Variants in CELF4 observed in about 807,000 individuals in gnomAD.
CELF4 encodes the protein CUGBP Elav-like family member 4, also known as CUG-BP- and ETR-3-like factor 4.
CELF4 carries 18 observed loss-of-function variants against 59.9 expected under a neutral mutation model. That is an observed-to-expected ratio of 0.30 (90% CI 0.21 to 0.45). The LOEUF is 0.45. Ranked by LOEUF, CELF4 falls within the 20% of genes least tolerant of loss-of-function variation. The probability of loss-of-function intolerance (pLI) is 1.00; values close to 1 mark genes in which losing one functional copy is unlikely to be tolerated. For missense variants in CELF4, 456 were observed against 689.0 expected (o/e 0.66, Z 3.79); for synonymous variants, 261 against 267.1 (o/e 0.98, Z 0.22).
intron 1 of CELF4, among the ~76,000 whole-genome samples, chr18:37,551,225 T>G (rs1448179557): frequency 6.6e-6 from 1 of 151,928 alleles, no homozygotes; most frequent in Non-Finnish European, 1.5e-5. Context: ...ATCCCTGGGG[T>G]CAGGAGGATG....
chr18:37,504,237 TC>T (rs1376265805), intron 1 of CELF4, among the ~76,000 whole-genome samples: 2 of 152,118 alleles, frequency 1.3e-5, no homozygotes, highest in Non-Finnish European at 2.9e-5. Context: ...ACGCCTGTAA[TC>T]CCAGCACCTT....
rs1167563828 is a variant in CELF4, at chr18:37,362,373, G to C, written c.370-40492C>G. ...TCCCCGGCGGCAGCCGAAGGTCAAGGCCAAGCCTGGGAGGCAGCCCCATCT... is the reference window on the plus strand; with the variant it reads ...TCCCCGGCGGCAGCCGAAGGTCAAGCCCAAGCCTGGGAGGCAGCCCCATCT... On this transcript the variant is annotated intron_variant, in intron 2 of 12. Transcript: ENST00000420428. 2.0e-5 allele frequency among the ~76,000 whole-genome samples: 3 copies of C among 152,190 alleles called. No homozygotes were observed. In the East Asian group the frequency reaches 5.8e-4, roughly 29 times the overall value.
intron 10 of CELF4, 138 bp downstream of exon 10, chr18:37,264,536 T>C: frequency 1.4e-6 from 1 of 700,482 alleles, no homozygotes; most frequent in East Asian, 2.7e-5. Context: ...AGCACTGCTG[T>C]CTTCCCTTGC....
intron 1 of CELF4, among the ~76,000 whole-genome samples, chr18:37,492,396 A>C (rs761886870): frequency 2.5e-4 from 38 of 152,146 alleles, no homozygotes; most frequent in African/African-American, 8.2e-4. Flanking sequence ...AAAAACATGC[A>C]GGCCACTGCA....
chr18:37,348,505 C>T (rs1423546753), intron 2 of CELF4, among the ~76,000 whole-genome samples: 1 of 152,174 alleles, frequency 6.6e-6, no homozygotes, highest in African/African-American at 2.4e-5. Flanking sequence ...ATGACACAGC[C>T]TCTGGGGCCA....
At position 37,243,757 on chromosome 18, in the gene CELF4, TTG is replaced by T. The variant is rs950344144; in HGVS notation, c.*1483_*1484del. 1.5e-4 allele frequency: 23 copies of T among 154,320 alleles called. No individual in the cohort carries two copies. Among genetic ancestry groups the T allele is most frequent in the East Asian group, 3.7e-4 (2 of 5,408 alleles). The allele number at this position is 154,320 out of a possible 1,614,324, so 9.6% of individuals were successfully genotyped here. A position where few individuals can be genotyped will look rare whatever the true frequency, so the allele number is the denominator to read the frequency against. On this transcript the variant is annotated 3_prime_UTR_variant, in exon 13 of 13. Coordinates refer to ENST00000420428, the MANE Select transcript of CELF4 (RefSeq NM_020180.4). ...ATTTTTCTCTCTCTTTTTTAAGGTT[TTG>T]TGTGTGTGTGTGTTGTCTAGTTGTT...
chr18:37,258,930 T>C, intron 11 of CELF4: 1 of 542,514 alleles, frequency 1.8e-6, no homozygotes, highest in Non-Finnish European at 3.2e-6. Context: ...CCAGGTTGTG[T>C]GGGTAGGGAA....
rs376915627 is a variant in CELF4 at position 37,243,908 on chromosome 18, ACGGCGG to A, written c.*1328_*1333del. The A allele has an allele frequency of 8.3e-4, 156 of 187,774 alleles. 1 individual carries two copies. Among genetic ancestry groups the A allele is most frequent in the African/African-American group, 3.5e-3 (149 of 42,046 alleles). 11.6% of individuals were successfully genotyped at this position (187,774 alleles called of 1,614,324 possible). A position where few individuals can be genotyped will look rare whatever the true frequency, so the allele number is the denominator to read the frequency against. On this transcript the variant is annotated 3_prime_UTR_variant, in exon 13 of 13. Coordinates refer to ENST00000420428, the MANE Select transcript of CELF4 (RefSeq NM_020180.4). ...CAGAGGGAAGCGAGAGGCGAGGATG[ACGGCGG>A]CGGCGGCGGCGGCGACCCGGGCGAC...
chr18:37,274,192 T>G, intron 6 of CELF4, 119 bp downstream of exon 6: 1 of 1,516,544 alleles, frequency 6.6e-7, no homozygotes, highest in African/African-American at 1.4e-5. Context: ...TCCCGGCCCC[T>G]CCTCACTCTG....
intron 2 of CELF4, among the ~76,000 whole-genome samples, chr18:37,405,287 G>T (rs1048383817): frequency 2.6e-5 from 4 of 152,234 alleles, no homozygotes; most frequent in African/African-American, 9.6e-5. Flanking sequence ...TCAGGCAGGG[G>T]CATGATCCAC....
intron 2 of CELF4, among the ~76,000 whole-genome samples, chr18:37,361,584 C>A (rs546319693): frequency 9.2e-5 from 14 of 152,166 alleles, no homozygotes; most frequent in Non-Finnish European, 1.9e-4. Flanking sequence ...ACAGTTGCAC[C>A]CCTACTCAGC....
intron 1 of CELF4, among the ~76,000 whole-genome samples, chr18:37,495,826 T>C (rs1296288509): frequency 6.6e-6 from 1 of 152,020 alleles, no homozygotes; most frequent in Non-Finnish European, 1.5e-5. Context: ...CTCTCTGCCC[T>C]CATGATTTGT....
In CELF4 at chr18:37,246,155, A is replaced by C. The variant is rs979446957; in HGVS notation, c.*45-958T>G. ...ATACATGGGGGTGACTGGTTACATCAAGAAAGTTAGAACTGCAAAGCCCCC... is the reference window on the plus strand; with the variant it reads ...ATACATGGGGGTGACTGGTTACATCCAGAAAGTTAGAACTGCAAAGCCCCC... On this transcript the variant is annotated intron_variant, in intron 12 of 12. Coordinates refer to ENST00000420428, the MANE Select transcript of CELF4 (RefSeq NM_020180.4). This position sits in a 1 kb window ranked among gnomAD's most constrained non-coding sequence, Gnocchi z 5.3. Among the ~76,000 whole-genome samples, 3 of 152,226 alleles carry C rather than the reference A, an allele frequency of 2.0e-5. No individual in the cohort carries two copies. Among genetic ancestry groups the C allele is most frequent in the Non-Finnish European group, 4.4e-5 (3 of 68,026 alleles).
At chr18:37,365,022 T>A (rs1021283435) in intron 2 of CELF4, among the ~76,000 whole-genome samples, 1 of 151,832 alleles carries the variant, frequency 6.6e-6, no homozygotes, top group Non-Finnish European at 1.5e-5. Flanking sequence ...AGGAGGAAGA[T>A]TTGGGAAGAT....
chr18:37,439,295 A>C (rs2099703993), intron 2 of CELF4, among the ~76,000 whole-genome samples: 1 of 152,190 alleles, frequency 6.6e-6, no homozygotes, highest in Admixed American at 6.5e-5. Context: ...GCCATGGGAC[A>C]GTTTCTCTTG....
rs149425394 is a variant in CELF4, at chr18:37,420,505, A to C, written c.369+65020T>G. ...AGAGGGAAATGCATGGAACTGTGTG[A>C]GCCAACGTGTGGGGGTGGGACCCGT... is the stretch of plus-strand genomic sequence containing the variant. On this transcript the variant is annotated intron_variant, in intron 2 of 12. Transcript: ENST00000420428. 4.6e-5 allele frequency among the ~76,000 whole-genome samples: 7 copies of C among 152,220 alleles called. No individual in the cohort carries two copies. In the East Asian group the frequency reaches 1.4e-3, roughly 29 times the overall value.
chr18:37,496,630 C>T (rs898409553), intron 1 of CELF4, among the ~76,000 whole-genome samples: 18 of 152,228 alleles, frequency 1.2e-4, no homozygotes, highest in African/African-American at 4.1e-4. Flanking sequence ...TCCCATATTA[C>T]AGGATCAATG....
rs117237587 is a variant in CELF4, at chr18:37,298,298, T to A, written c.449-23055A>T. Among the ~76,000 whole-genome samples, 487 of 152,296 alleles carry A rather than the reference T, an allele frequency of 3.2e-3. 14 individuals carry two copies. The East Asian group carries it at 0.079, about 25-fold the overall frequency. ...AGCCACCACTCTGGTCCCAGCCATG[T>A]CCACCTCTCCTGTGTGACTGCAGTG... On this transcript the variant is annotated intron_variant, in intron 3 of 12. Coordinates refer to ENST00000420428, the MANE Select transcript of CELF4 (RefSeq NM_020180.4).
intron 2 of CELF4, among the ~76,000 whole-genome samples, chr18:37,448,848 T>C (rs1362812613): frequency 1.3e-5 from 2 of 152,178 alleles, no homozygotes; most frequent in Non-Finnish European, 2.9e-5. Context: ...CACCCTCCCA[T>C]GGCATGGCCC....
Sources: gnomAD v4.1 joint callset for allele counts (sites outside exome capture counted in the v4.1 genomes callset) on GRCh38, gnomAD v4.1.1 for gene constraint, Gnocchi (gnomAD v3.1) non-coding constraint, MANE v1.5 for transcripts, NCBI Gene and HGNC (gene_info 2026-07-23, HGNC 2026-07-21) for gene names.